Variants in IQCM observed in about 807,000 individuals in gnomAD.
IQCM encodes IQ domain-containing protein M.
IQCM carries 45 observed loss-of-function variants against 57.6 expected under a neutral mutation model. The ratio of observed to expected loss-of-function variants is 0.78; its 90% CI spans 0.62 to 1.00. The LOEUF is 1.00. IQCM is among the 50% of genes least tolerant of loss of function. The probability of loss-of-function intolerance (pLI) is 0.00; values close to 1 mark genes in which losing one functional copy is unlikely to be tolerated. For synonymous variants in IQCM, 148 were observed against 158.9 expected (o/e 0.93, Z 0.51); for missense variants, 468 against 511.6 (o/e 0.91, Z 0.82).
intron 7 of IQCM, among the ~76,000 whole-genome samples, chr4:149,648,006 C>T (rs1018121538): frequency 6.6e-5 from 10 of 152,124 alleles, no homozygotes; most frequent in African/African-American, 2.4e-4. Flanking sequence ...CTACTGCATC[C>T]AATATGCTAA....
chr4:149,411,441 C>A (rs1470246241), intron 13 of IQCM, among the ~76,000 whole-genome samples: 1 of 152,000 alleles, frequency 6.6e-6, no homozygotes, highest in African/African-American at 2.4e-5. Flanking sequence ...GTCAAGTCTT[C>A]TTTTGGGTGA....
intron 5 of IQCM, among the ~76,000 whole-genome samples, chr4:149,686,974 T>G (rs2149789905): frequency 6.6e-6 from 1 of 151,778 alleles, no homozygotes; most frequent in East Asian, 1.9e-4. Flanking sequence ...TTAAAAAATC[T>G]ACTTCTTCAA....
At chr4:149,353,974 T>G (rs1257748754) in intron 13 of IQCM, among the ~76,000 whole-genome samples, 1 of 152,230 alleles carries the variant, frequency 6.6e-6, no homozygotes, top group Non-Finnish European at 1.5e-5. Context: ...AGATGATGGC[T>G]ATGTTGCTTC....
At chr4:149,590,535 G>C (rs1488552429) in intron 8 of IQCM, among the ~76,000 whole-genome samples, 1 of 151,724 alleles carries the variant, frequency 6.6e-6, no homozygotes. Flanking sequence ...ACATGCCACG[G>C]TGGTTTGCTG....
At chr4:149,744,865 A>G (rs1248586342) in intron 2 of IQCM, among the ~76,000 whole-genome samples, 2 of 152,228 alleles carry the variant, frequency 1.3e-5, no homozygotes, top group African/African-American at 4.8e-5. Context: ...AATTTTAAAT[A>G]AAGATGCAAA....
In IQCM at chr4:149,803,412, T is replaced by A. The variant is rs193136929; in HGVS notation, c.-49+11899A>T. 1.2e-4 allele frequency among the ~76,000 whole-genome samples: 18 copies of A among 152,128 alleles called. No homozygotes were observed. In the East Asian group the frequency reaches 2.9e-3, roughly 24 times the overall value. On this transcript the variant is annotated intron_variant, in intron 2 of 13. Coordinates refer to ENST00000636793, the MANE Select transcript of IQCM (RefSeq NM_001363507.2). ...TTTCTCTTTGAGAGAAGGTTGGAAG[T>A]TTCTATTGACATTTATTCAACCTCA...
chr4:149,633,515 T>G (rs1036794768), intron 7 of IQCM, among the ~76,000 whole-genome samples: 5 of 152,222 alleles, frequency 3.3e-5, no homozygotes, highest in African/African-American at 1.2e-4. Flanking sequence ...TTGATGATAC[T>G]AATAAAATAT....
chr4:149,420,987 C>T (rs1273294913), intron 13 of IQCM, among the ~76,000 whole-genome samples: 1 of 151,244 alleles, frequency 6.6e-6, no homozygotes, highest in Non-Finnish European at 1.5e-5. Flanking sequence ...GGTTATTATG[C>T]ATAATTATGA....
intron 13 of IQCM, among the ~76,000 whole-genome samples, chr4:149,370,576 TAC>T (rs59009117): frequency 0.29 from 43,069 of 148,482 alleles, 6,255 homozygotes; most frequent in Middle Eastern, 0.33. Context: ...ACACACACTA[TAC>T]ACACACACAC....
At chr4:149,688,283 CAGT>C (rs1432911481) in intron 5 of IQCM, among the ~76,000 whole-genome samples, 2 of 151,954 alleles carry the variant, frequency 1.3e-5, no homozygotes, top group African/African-American at 4.8e-5. Flanking sequence ...GTACACAAAT[CAGT>C]AGCTCTTCCA....
chr4:149,747,925 A>G (rs989327934), intron 2 of IQCM, among the ~76,000 whole-genome samples: 2 of 152,228 alleles, frequency 1.3e-5, no homozygotes, highest in Non-Finnish European at 2.9e-5. Flanking sequence ...CTCAGAGTCT[A>G]GGAGCACTGT....
intron 7 of IQCM, among the ~76,000 whole-genome samples, chr4:149,675,708 C>T (rs948006378): frequency 2.0e-5 from 3 of 151,930 alleles, no homozygotes; most frequent in Admixed American, 6.6e-5. Context: ...ATAATGAGAT[C>T]CGTCTTAAGA....
At chr4:149,779,075 T>G (rs1771365551) in intron 2 of IQCM, among the ~76,000 whole-genome samples, 1 of 152,138 alleles carries the variant, frequency 6.6e-6, no homozygotes, top group African/African-American at 2.4e-5. Context: ...ACAAAAATTC[T>G]TAACAAAATA....
intron 5 of IQCM, among the ~76,000 whole-genome samples, chr4:149,723,606 T>C (rs912152918): frequency 2.0e-5 from 3 of 152,048 alleles, no homozygotes; most frequent in Non-Finnish European, 4.4e-5. Flanking sequence ...CTTGCACATA[T>C]TGAACCATCC....
chr4:149,545,938 A>C (rs1748363178), intron 12 of IQCM, among the ~76,000 whole-genome samples: 1 of 152,100 alleles, frequency 6.6e-6, no homozygotes. Context: ...CCTTTACATT[A>C]GGTATATCTC....
chr4:149,746,126 T>A (rs1767909657), intron 2 of IQCM, among the ~76,000 whole-genome samples: 1 of 151,900 alleles, frequency 6.6e-6, no homozygotes, highest in African/African-American at 2.4e-5. Flanking sequence ...TTTCAGCAGT[T>A]GATATTATGG....
intron 12 of IQCM, among the ~76,000 whole-genome samples, chr4:149,480,324 C>T (rs1359737775): frequency 6.6e-5 from 10 of 152,018 alleles, no homozygotes; most frequent in Admixed American, 5.3e-4. Flanking sequence ...TTGACTATAG[C>T]CCCCTGTTGT....
At chr4:149,775,251 A>G (rs1770980290) in intron 2 of IQCM, among the ~76,000 whole-genome samples, 1 of 152,090 alleles carries the variant, frequency 6.6e-6, no homozygotes, top group Non-Finnish European at 1.5e-5. Flanking sequence ...GTCGGATTGA[A>G]TGTTGTTTCT....
chr4:149,532,150 G>A (rs1238974210), intron 12 of IQCM, among the ~76,000 whole-genome samples: 2 of 151,982 alleles, frequency 1.3e-5, no homozygotes. Flanking sequence ...AATAATGCAA[G>A]TGTTCCTGTA....
Sources: allele counts gnomAD v4.1 joint callset (sites outside exome capture counted in the v4.1 genomes callset), GRCh38; gene constraint gnomAD v4.1.1; transcripts MANE v1.5; gene names NCBI Gene and HGNC (gene_info 2026-07-23, HGNC 2026-07-21).